NRIP3: variants seen among roughly 807,000 people sequenced by gnomAD.
NRIP3 encodes the protein nuclear receptor interacting protein 3, also known as nuclear receptor-interacting protein 3.
In NRIP3, 31 loss-of-function variants were observed where a neutral mutation model predicts 29.0. The ratio of observed to expected loss-of-function variants is 1.07; its 90% CI spans 0.80 to 1.44. NRIP3 has a LOEUF of 1.44. Ranked by LOEUF, NRIP3 falls within the 40% of genes most tolerant of loss-of-function variation. The probability of loss-of-function intolerance (pLI) is 0.00; values close to 1 mark genes in which losing one functional copy is unlikely to be tolerated. For missense variants in NRIP3, 314 were observed against 297.9 expected (o/e 1.05, Z -0.40); for synonymous variants, 131 against 118.3 (o/e 1.11, Z -0.70).
At chr11:8,993,729 A>G (rs2134920906) in intron 1 of NRIP3, among the ~76,000 whole-genome samples, 1 of 150,454 alleles carries the variant, frequency 6.6e-6, no homozygotes, top group East Asian at 2.0e-4. Flanking sequence ...GACTAATTTG[A>G]GCCTAGAAGG....
intron 3 of NRIP3, 105 bp downstream of exon 3, chr11:8,987,443 C>G (rs1566136495): frequency 4.7e-6 from 4 of 844,870 alleles, no homozygotes; most frequent in Non-Finnish European, 2.0e-6. Context: ...CTGCATACTT[C>G]TCTTTGAGCT....
intron 1 of NRIP3, among the ~76,000 whole-genome samples, chr11:9,000,771 TAAA>T (rs11449994): frequency 2.0e-5 from 3 of 149,730 alleles, no homozygotes; most frequent in Middle Eastern, 3.4e-3. Context: ...TTCACTGAGT[TAAA>T]AAAAAAAATC....
intron 1 of NRIP3, among the ~76,000 whole-genome samples, chr11:8,992,844 G>A (rs1854631020): frequency 6.6e-6 from 1 of 152,112 alleles, no homozygotes; most frequent in Admixed American, 6.5e-5. Context: ...AACTCACCGT[G>A]GAGGTGGCAT....
rs779638760 is a variant in NRIP3, at chr11:8,983,548, T to C, written c.723A>G (p.Ala241=). The change falls in exon 7 of 7, where the codon GCA becomes GCG. Residue 241 remains alanine, a synonymous_variant. Transcript: ENST00000309166. ...VSLNEDNTSE[A] ...GCAGACATGCTGCAGGCTGTAGTTA[T>C]GCTTCTGAAGTGCTGAAATGAGAAA... 3.7e-6 allele frequency: 6 copies of C among 1,613,792 alleles called. No homozygotes were observed. Among genetic ancestry groups the C allele is most frequent in the East Asian group, 2.2e-5 (1 of 44,902 alleles).
intron 3 of NRIP3, among the ~76,000 whole-genome samples, chr11:8,986,367 C>T (rs1854523312): frequency 6.6e-6 from 1 of 152,192 alleles, no homozygotes; most frequent in Admixed American, 6.5e-5. Context: ...ATATTCATAT[C>T]AGCAAGGAAT....
intron 1 of NRIP3, among the ~76,000 whole-genome samples, chr11:8,993,491 A>G (rs960162851): frequency 2.0e-5 from 3 of 152,172 alleles, no homozygotes; most frequent in African/African-American, 7.2e-5. Flanking sequence ...AAGGTGTAAG[A>G]GAATTAAGTT....
chr11:8,997,354 T>TAA (rs1854724765), intron 1 of NRIP3, among the ~76,000 whole-genome samples: 1 of 15,768 alleles, frequency 6.3e-5, no homozygotes, highest in Non-Finnish European at 1.4e-4. Context: ...AGACTCCGTC[T>TAA]CAAAAAAAAA....
chr11:9,004,139 C>T (rs1854871494), upstream of NRIP3: 1 of 417,630 alleles, frequency 2.4e-6, no homozygotes, highest in East Asian at 3.8e-5. Context: ...CCGCGTCCCG[C>T]GTCCCCTGCT....
upstream of NRIP3, chr11:9,004,107 C>T: frequency 4.0e-6 from 2 of 505,530 alleles, no homozygotes; most frequent in Non-Finnish European, 6.2e-6. Context: ...ACGCCCCGCG[C>T]GGCTCCCTCG....
chr11:8,988,044 T>TATA lies in NRIP3; in HGVS notation c.339+71_339+73dup, dbSNP rs1854544080. 7 of 1,437,832 alleles carry TATA rather than the reference T, an allele frequency of 4.9e-6. 1 individual carries two copies. The South Asian group carries it at 7.4e-5, about 15-fold the overall frequency. 89.1% of individuals were successfully genotyped at this position (1,437,832 alleles called of 1,614,324 possible). On this transcript the variant is annotated intron_variant, in intron 2 of 6. Coordinates refer to ENST00000309166, the MANE Select transcript of NRIP3 (RefSeq NM_020645.3). ...TATGAATTCCATGAGACCCACACTC[T>TATA]ATAAAGTCAGGAGGAGAGGGCCCCA... is the stretch of plus-strand genomic sequence containing the variant.
At chr11:8,996,266 C>CT (rs1346475927) in intron 1 of NRIP3, among the ~76,000 whole-genome samples, 14 of 126,112 alleles carry the variant, frequency 1.1e-4, no homozygotes, top group African/African-American at 4.0e-4. Flanking sequence ...TTCAAAAAGC[C>CT]TTTTTTTCCT....
At chr11:9,003,734 C>CGGGGCGAGAACGGCGGCG (rs1854855815) in intron 1 of NRIP3, 28 bp downstream of exon 1, 1 of 1,386,378 alleles carries the variant, frequency 7.2e-7, no homozygotes, top group Non-Finnish European at 9.4e-7. Context: ...CCGCCGGGGC[C>CGGGGCGAGAACGGCGGCG]GGGGCGAGAA....
rs1473411404 is a variant in NRIP3 at position 8,984,055 on chromosome 11, A to G, written c.615+17T>C. The stretch of plus-strand genomic sequence containing the variant: ...CTCAGAGAGGAAGTATCAAGGGGTA[A>G]GTGGAGTCAATCTTACCTTCAGAGA... On this transcript the variant is annotated intron_variant, in intron 5 of 6. Coordinates refer to ENST00000309166, the MANE Select transcript of NRIP3 (RefSeq NM_020645.3). 1 of 1,610,250 alleles carries G rather than the reference A, an allele frequency of 6.2e-7. No individual in the cohort carries two copies. The highest frequency in any genetic ancestry group is 8.5e-7 in the Non-Finnish European group (1 of 1,176,618).
intron 2 of NRIP3, 68 bp downstream of exon 2, chr11:8,988,049 AG>A: frequency 6.8e-7 from 1 of 1,464,542 alleles, no homozygotes. Flanking sequence ...CACTCTATAA[AG>A]TCAGGAGGAG....
intron 1 of NRIP3, among the ~76,000 whole-genome samples, chr11:8,992,905 C>T (rs1056427345): frequency 3.4e-5 from 5 of 144,968 alleles, no homozygotes; most frequent in Non-Finnish European, 6.0e-5. Flanking sequence ...CAGCGAGACT[C>T]CGTCTCAAAA....
intron 1 of NRIP3, among the ~76,000 whole-genome samples, chr11:9,002,620 G>GAAAAAAAAAAAA (rs1555232137): frequency 8.8e-6 from 1 of 113,128 alleles, no homozygotes; most frequent in Non-Finnish European, 1.9e-5. Flanking sequence ...AAAAAAAAAG[G>GAAAAAAAAAAAA]AAATGGATGC....
In NRIP3 at chr11:8,983,501, C is replaced by T. The variant is rs201258217; in HGVS notation, c.*44G>A. On this transcript the variant is annotated 3_prime_UTR_variant, in exon 7 of 7. Coordinates refer to ENST00000309166, the MANE Select transcript of NRIP3 (RefSeq NM_020645.3). ...ACCCAGTTTTCTCTATCTGTCAACC[C>T]GGTGTGTATGCATGCACACGTGCAG... 3.4e-4 allele frequency: 546 copies of T among 1,599,984 alleles called. No individual in the cohort carries two copies. The highest frequency in any genetic ancestry group is 4.3e-4 in the Non-Finnish European group (505 of 1,170,302).
At chr11:8,984,569 GT>G (rs977804978) in intron 4 of NRIP3, among the ~76,000 whole-genome samples, 48 of 151,998 alleles carry the variant, frequency 3.2e-4, no homozygotes, top group African/African-American at 1.1e-3. Flanking sequence ...GGCCGAGCAT[GT>G]GTTATATTAA....
intron 1 of NRIP3, among the ~76,000 whole-genome samples, chr11:8,988,945 C>T (rs555690210): frequency 7.2e-5 from 11 of 152,304 alleles, no homozygotes; most frequent in African/African-American, 2.2e-4. Context: ...CAAGAATCAT[C>T]GATGCTGGCA....
Sources: allele counts gnomAD v4.1 joint callset (sites outside exome capture counted in the v4.1 genomes callset), GRCh38; gene constraint gnomAD v4.1.1; transcripts MANE v1.5; gene names NCBI Gene and HGNC (gene_info 2026-07-23, HGNC 2026-07-21).